The following KLF7 variants were observed in gnomAD, a reference collection of about 807,000 sequenced individuals.
KLF7 encodes the protein Krueppel-like factor 7.
In KLF7, 2 loss-of-function variants were observed where a neutral mutation model predicts 27.3. That is an observed-to-expected ratio of 0.07 (90% CI 0.03 to 0.23). KLF7 has a LOEUF of 0.23. Ranked by LOEUF, KLF7 falls within the 10% of genes least tolerant of loss-of-function variation. The pLI, the probability that KLF7 is intolerant of heterozygous loss-of-function variation, is 1.00. For missense variants in KLF7, 221 were observed against 394.1 expected (o/e 0.56, Z 3.72); for synonymous variants, 165 against 162.4 (o/e 1.02, Z -0.12).
intron 1 of KLF7, among the ~76,000 whole-genome samples, chr2:207,151,109 G>C (rs2078233407): frequency 6.6e-6 from 1 of 151,334 alleles, no homozygotes; most frequent in Non-Finnish European, 1.5e-5. Context: ...GCACCTCAAA[G>C]CTGACTGTCT....
intron 2 of KLF7, among the ~76,000 whole-genome samples, chr2:207,090,889 A>C (rs1209961491): frequency 6.6e-6 from 1 of 152,130 alleles, no homozygotes; most frequent in Non-Finnish European, 1.5e-5. Context: ...TGGCACAAAC[A>C]AAAAAAGGAG....
chr2:207,123,885 C>T lies in KLF7; in HGVS notation c.622G>A (p.Ala208Thr), dbSNP rs750699704. The change falls in exon 2 of 4, where the codon GCT (alanine) becomes ACT (threonine). Residue 208 changes from alanine (A) to threonine (T), a missense_variant. By Grantham distance (58) the Ala-to-Thr change is moderately conservative (BLOSUM62 0). Transcript: ENST00000309446. ...TTCTTGTTTTCGGGACATGCTTCAG[C>T]CCCCAGCCCTCCTTGGTCACTGTCG... The part of the protein sequence containing the change: ...QSDSDQGGLG[A>T]EACPENKKRV... 6 of 1,613,802 alleles carry T rather than the reference C, an allele frequency of 3.7e-6. No individual in the cohort carries two copies. The highest frequency in any genetic ancestry group is 2.7e-5 in the African/African-American group (2 of 74,922).
chr2:207,113,297 T>C (rs1202969696), intron 2 of KLF7, among the ~76,000 whole-genome samples: 2 of 152,230 alleles, frequency 1.3e-5, no homozygotes, highest in Non-Finnish European at 2.9e-5. Flanking sequence ...TCTTCAAATG[T>C]CTTGTTTCCT....
chr2:207,156,263 A>G lies in KLF7; in HGVS notation c.102+9204T>C, dbSNP rs543109232. Among the ~76,000 whole-genome samples the G allele has an allele frequency of 3.3e-5, 5 of 152,352 alleles. No homozygotes were observed. In the South Asian group the frequency reaches 8.3e-4, roughly 25 times the overall value. The stretch of plus-strand genomic sequence containing the variant: ...AGATCACCACACGCCCACAGTCATT[A>G]CCACAGGAGCTAAGCCTTCTATGGG... On this transcript the variant is annotated intron_variant, in intron 1 of 3. Transcript: ENST00000309446.
chr2:207,149,135 T>C (rs745735497), intron 1 of KLF7: 16 of 1,287,538 alleles, frequency 1.2e-5, no homozygotes, highest in African/African-American at 3.0e-5. Context: ...CCCAGTCATG[T>C]TGATTTCATA....
At chr2:207,082,490 G>A (rs573740880) in intron 3 of KLF7, among the ~76,000 whole-genome samples, 19 of 152,298 alleles carry the variant, frequency 1.2e-4, no homozygotes, top group Non-Finnish European at 1.8e-4. Flanking sequence ...TTACCTGAGC[G>A]CATAAATACC....
rs1450754665 is a variant in KLF7 at position 207,078,979 on chromosome 2, C to T, written c.*2234G>A. Reference sequence around the variant, plus strand: ...CCTCCAACTAACATACATACAATTGCCTCCGGCAAATGGACAGATTTTGTG... The same window carrying T: ...CCTCCAACTAACATACATACAATTGTCTCCGGCAAATGGACAGATTTTGTG... On this transcript the variant is annotated 3_prime_UTR_variant, in exon 4 of 4. Coordinates refer to ENST00000309446, the MANE Select transcript of KLF7 (RefSeq NM_003709.4). 1 of 152,132 alleles carries T rather than the reference C, an allele frequency of 6.6e-6. No homozygotes were observed. The highest frequency in any genetic ancestry group is 1.5e-5 in the Non-Finnish European group (1 of 68,028). The allele number at this position is 152,132 out of a possible 1,614,324, so 9.4% of individuals were successfully genotyped here.
At chr2:207,151,574 A>G (rs2078249196) in intron 1 of KLF7, among the ~76,000 whole-genome samples, 1 of 152,166 alleles carries the variant, frequency 6.6e-6, no homozygotes. Flanking sequence ...TCTCTTTTGC[A>G]GGGAAAACTG....
At chr2:207,171,782 TATAACTC>T (rs1342054388), upstream of KLF7, among the ~76,000 whole-genome samples, 1 of 152,226 alleles carries the variant, frequency 6.6e-6, no homozygotes, top group African/African-American at 2.4e-5. Context: ...ATAGGGTAAA[TATAACTC>T]ATATGCACTG....
chr2:207,164,809 C>G (rs1559175028), intron 1 of KLF7, among the ~76,000 whole-genome samples: 1 of 152,186 alleles, frequency 6.6e-6, no homozygotes, highest in East Asian at 1.9e-4. Flanking sequence ...TGTTCTCTTT[C>G]TGGAGGGATC....
At chr2:207,126,884 T>C (rs1392049496) in intron 1 of KLF7, among the ~76,000 whole-genome samples, 1 of 151,986 alleles carries the variant, frequency 6.6e-6, no homozygotes, top group Non-Finnish European at 1.5e-5. Context: ...TCCTCTACAA[T>C]GACTTTCACA....
At chr2:207,088,431 A>C in intron 3 of KLF7, 27 bp downstream of exon 3, 1 of 1,610,830 alleles carries the variant, frequency 6.2e-7, no homozygotes, top group Non-Finnish European at 8.5e-7. Flanking sequence ...TCTCCTCCCT[A>C]GCCCATCAAC....
intron 2 of KLF7, among the ~76,000 whole-genome samples, chr2:207,119,053 C>T (rs942633891): frequency 2.0e-5 from 3 of 152,172 alleles, no homozygotes; most frequent in Non-Finnish European, 4.4e-5. Flanking sequence ...CCACCTGAAA[C>T]GTATCCTGTT....
intron 1 of KLF7, among the ~76,000 whole-genome samples, chr2:207,124,965 T>C (rs1052868063): frequency 1.3e-5 from 2 of 152,206 alleles, no homozygotes; most frequent in Non-Finnish European, 2.9e-5. Flanking sequence ...ATGGATTCCA[T>C]AACCAGCAGG....
chr2:207,144,901 C>A (rs184039976), intron 1 of KLF7, among the ~76,000 whole-genome samples: 51 of 152,316 alleles, frequency 3.3e-4, no homozygotes, highest in Non-Finnish European at 6.8e-4. Flanking sequence ...TGCATCAATT[C>A]AATCCATTTG....
At chr2:207,165,110 A>G (rs758950699) in intron 1 of KLF7, among the ~76,000 whole-genome samples, 86 of 151,704 alleles carry the variant, frequency 5.7e-4, no homozygotes, top group Non-Finnish European at 1.1e-3. Flanking sequence ...CCTGTCAGCA[A>G]TCGCTCCTAA....
At chr2:207,126,709 G>A (rs1016156106) in intron 1 of KLF7, among the ~76,000 whole-genome samples, 2 of 151,966 alleles carry the variant, frequency 1.3e-5, no homozygotes, top group African/African-American at 4.8e-5. Flanking sequence ...TGGCTGAGGC[G>A]GGAGAATCAC....
chr2:207,168,232 C>A (rs1226472850), upstream of KLF7, among the ~76,000 whole-genome samples: 3 of 152,178 alleles, frequency 2.0e-5, no homozygotes, highest in Non-Finnish European at 4.4e-5. Flanking sequence ...TACATTATAA[C>A]AATTTTTGAA....
intron 2 of KLF7, among the ~76,000 whole-genome samples, chr2:207,122,611 T>C (rs2077368434): frequency 6.6e-6 from 1 of 152,250 alleles, no homozygotes; most frequent in African/African-American, 2.4e-5. Flanking sequence ...CAGAGCTGGA[T>C]AGTGGCAGAG....
Sources: gnomAD v4.1 joint callset for allele counts (sites outside exome capture counted in the v4.1 genomes callset) on GRCh38, gnomAD v4.1.1 for gene constraint, MANE v1.5 for transcripts, NCBI Gene and HGNC (gene_info 2026-07-23, HGNC 2026-07-21) for gene names.